Variants in ADGRL3 observed in about 807,000 individuals in gnomAD.
The protein encoded by ADGRL3 is calcium-independent alpha-latrotoxin receptor 3.
ADGRL3 carries 62 observed loss-of-function variants against 153.5 expected under a neutral mutation model. The observed-to-expected ratio is 0.40, with a 90% CI of 0.33 to 0.50. ADGRL3 has a LOEUF of 0.50. ADGRL3 is among the 20% of genes least tolerant of loss of function. The probability of loss-of-function intolerance (pLI) is 0.47; values close to 1 mark genes in which losing one functional copy is unlikely to be tolerated. For missense variants in ADGRL3, 1,641 were observed against 1,859.4 expected, an observed-to-expected ratio of 0.88 and a Z score of 2.16; for synonymous variants, 710 against 672.5, an observed-to-expected ratio of 1.06 and a Z score of -0.86.
intron 1 of ADGRL3, among the ~76,000 whole-genome samples, chr4:61,318,113 G>A (rs572494795): frequency 6.8e-6 from 1 of 146,218 alleles, no homozygotes; most frequent in African/African-American, 2.5e-5. Context: ...GGGGGCGTAG[G>A]TTGCAGTGAG....
intron 4 of ADGRL3, among the ~76,000 whole-genome samples, chr4:61,568,399 G>A (rs1485918254): frequency 6.6e-6 from 1 of 151,900 alleles, no homozygotes; most frequent in African/African-American, 2.4e-5. Flanking sequence ...CAGTGGATCC[G>A]AATTTGTATT....
At chr4:61,784,973 G>A (rs2097260628) in intron 8 of ADGRL3, among the ~76,000 whole-genome samples, 1 of 152,084 alleles carries the variant, frequency 6.6e-6, no homozygotes, top group South Asian at 2.1e-4. Context: ...TCTCAAGTTT[G>A]TTAAGAAGAG....
intron 1 of ADGRL3, among the ~76,000 whole-genome samples, chr4:61,268,882 G>A (rs1207768707): frequency 6.6e-6 from 1 of 151,472 alleles, no homozygotes; most frequent in Admixed American, 6.6e-5. Context: ...TATTTGGAGA[G>A]CACTATTGGG....
In ADGRL3 at chr4:61,682,924, C is replaced by T. The variant is rs537449779; in HGVS notation, c.583+5989C>T. Reference sequence around the variant, plus strand: ...AAAACCAAGATAAAGATTCTGTCGTCCTTCAAGGAGTTCAGTCAAGTGGGG... The same window carrying T: ...AAAACCAAGATAAAGATTCTGTCGTTCTTCAAGGAGTTCAGTCAAGTGGGG... On this transcript the variant is annotated intron_variant, in intron 6 of 26. Transcript: ENST00000683033. Among the ~76,000 whole-genome samples the T allele has an allele frequency of 7.8e-4, 119 of 152,192 alleles. No individual in the cohort carries two copies. The South Asian group carries it at 8.1e-3, about 10-fold the overall frequency.
At chr4:61,734,216 T>C (rs1007161151) in intron 8 of ADGRL3, among the ~76,000 whole-genome samples, 3 of 152,208 alleles carry the variant, frequency 2.0e-5, no homozygotes, top group African/African-American at 7.2e-5. Flanking sequence ...TTCCTTTTAA[T>C]GTTGTTTAAA....
chr4:62,028,562 C>A (rs1328798845), intron 21 of ADGRL3, among the ~76,000 whole-genome samples: 2 of 151,600 alleles, frequency 1.3e-5, no homozygotes, highest in Non-Finnish European at 3.0e-5. Context: ...AATGTGATCT[C>A]TAAGAAATAA....
At chr4:61,323,002 G>T (rs1241529919) in intron 1 of ADGRL3, among the ~76,000 whole-genome samples, 1 of 152,212 alleles carries the variant, frequency 6.6e-6, no homozygotes, top group African/African-American at 2.4e-5. Flanking sequence ...GGGCATCCAG[G>T]TGTTTCCATA....
At chr4:61,740,047 G>C (rs1448524885) in intron 8 of ADGRL3, among the ~76,000 whole-genome samples, 1 of 152,176 alleles carries the variant, frequency 6.6e-6, no homozygotes, top group African/African-American at 2.4e-5. Context: ...CAGTGATTCA[G>C]CTTTGGACAC....
At chr4:62,007,486 G>GTA (rs1161079725) in intron 21 of ADGRL3, among the ~76,000 whole-genome samples, 17 of 124,214 alleles carry the variant, frequency 1.4e-4, no homozygotes, top group South Asian at 5.0e-4. Context: ...ATATATATAT[G>GTA]TATATATATC....
chr4:61,240,263 C>G (rs1486866411), intron 1 of ADGRL3, among the ~76,000 whole-genome samples: 1 of 152,086 alleles, frequency 6.6e-6, no homozygotes, highest in Non-Finnish European at 1.5e-5. Flanking sequence ...TATAAGGGTT[C>G]TGATCCCATG....
chr4:61,369,624 C>T (rs1259313898), intron 1 of ADGRL3, among the ~76,000 whole-genome samples: 14 of 152,110 alleles, frequency 9.2e-5, no homozygotes, highest in East Asian at 1.9e-4. Context: ...CTGCTGGATT[C>T]GGTTTGCCAG....
At chr4:61,798,732 C>G (rs568175467) in intron 8 of ADGRL3, among the ~76,000 whole-genome samples, 1 of 151,612 alleles carries the variant, frequency 6.6e-6, no homozygotes, top group South Asian at 2.1e-4. Flanking sequence ...ATTCTCCTGC[C>G]TTAGCCTCCC....
At chr4:61,410,263 A>C (rs1479806292) in intron 2 of ADGRL3, among the ~76,000 whole-genome samples, 1 of 152,132 alleles carries the variant, frequency 6.6e-6, no homozygotes. Context: ...TTTTGACAAA[A>C]CTACCAGAAT....
At chr4:61,309,263 T>C (rs1372296867) in intron 1 of ADGRL3, among the ~76,000 whole-genome samples, 1 of 152,148 alleles carries the variant, frequency 6.6e-6, no homozygotes, top group East Asian at 1.9e-4. Context: ...ATATCCGAGG[T>C]CAGGACATCT....
At chr4:61,548,125 G>T (rs1283708847) in intron 4 of ADGRL3, among the ~76,000 whole-genome samples, 1 of 152,040 alleles carries the variant, frequency 6.6e-6, no homozygotes, top group African/African-American at 2.4e-5. Context: ...GTTTAATGGG[G>T]TTGTTTGCTT....
intron 6 of ADGRL3, among the ~76,000 whole-genome samples, chr4:61,704,859 CA>C (rs1185199658): frequency 6.6e-6 from 1 of 152,194 alleles, no homozygotes; most frequent in Non-Finnish European, 1.5e-5. Flanking sequence ...TCATAGGTAG[CA>C]GCTTCTCATT....
intron 21 of ADGRL3, among the ~76,000 whole-genome samples, chr4:62,011,625 G>A (rs1021200371): frequency 1.3e-5 from 2 of 151,888 alleles, no homozygotes; most frequent in African/African-American, 4.8e-5. Context: ...AAATCCAAAG[G>A]CATCATATTT....
intron 2 of ADGRL3, among the ~76,000 whole-genome samples, chr4:61,411,884 T>C (rs2097092241): frequency 6.6e-6 from 1 of 152,194 alleles, no homozygotes; most frequent in South Asian, 2.1e-4. Flanking sequence ...AGCTATGAAA[T>C]GATAATTCCA....
intron 2 of ADGRL3, among the ~76,000 whole-genome samples, chr4:61,400,111 G>A (rs1045412572): frequency 1.3e-5 from 2 of 151,580 alleles, no homozygotes; most frequent in African/African-American, 4.8e-5. Flanking sequence ...TTAAGAAAAA[G>A]GAGAAAAGAG....
Sources: allele counts gnomAD v4.1 joint callset (sites outside exome capture counted in the v4.1 genomes callset), GRCh38; gene constraint gnomAD v4.1.1; transcripts MANE v1.5; gene names NCBI Gene and HGNC (gene_info 2026-07-23, HGNC 2026-07-21).